PTPRD: variants seen among roughly 807,000 people sequenced by gnomAD.
PTPRD encodes protein tyrosine phosphatase receptor type D.
A neutral mutation model predicts 214.5 loss-of-function variants in PTPRD; 34 were observed. The ratio of observed to expected loss-of-function variants is 0.16; its 90% CI spans 0.12 to 0.21. The LOEUF is 0.21. Among genes scored for constraint, PTPRD ranks in the 10% least tolerant of loss-of-function variants. PTPRD has a pLI of 1.00. For missense variants in PTPRD, 2,545 were observed against 2,398.7 expected, an observed-to-expected ratio of 1.06 and a Z score of -1.27; for synonymous variants, 1,128 against 845.7, an observed-to-expected ratio of 1.33 and a Z score of -5.79.
At chr9:8,601,201 G>T (rs1156850404) in intron 14 of PTPRD, among the ~76,000 whole-genome samples, 2 of 152,090 alleles carry the variant, frequency 1.3e-5, no homozygotes, top group African/African-American at 4.8e-5. Flanking sequence ...ATGTCATATG[G>T]CTTTATTGCC....
intron 9 of PTPRD, among the ~76,000 whole-genome samples, chr9:9,335,630 T>C (rs2044138855): frequency 6.6e-6 from 1 of 152,206 alleles, no homozygotes; most frequent in Middle Eastern, 3.4e-3. Flanking sequence ...TAATATGCTA[T>C]TTTGACCAAA....
At chr9:8,686,190 C>T (rs1461921346) in intron 12 of PTPRD, among the ~76,000 whole-genome samples, 2 of 152,216 alleles carry the variant, frequency 1.3e-5, no homozygotes, top group Non-Finnish European at 2.9e-5. Flanking sequence ...GTCTGCTTCA[C>T]TGCCACCTTT....
At chr9:9,535,425 T>G (rs551338980) in intron 8 of PTPRD, among the ~76,000 whole-genome samples, 4 of 152,196 alleles carry the variant, frequency 2.6e-5, no homozygotes, top group African/African-American at 9.6e-5. Context: ...CATCTTCAAT[T>G]TGAATGTTAG....
chr9:9,016,116 C>T lies in PTPRD; in HGVS notation c.-104+2581G>A, dbSNP rs184508841. On this transcript the variant is annotated intron_variant, in intron 11 of 45. Coordinates refer to ENST00000381196, the MANE Select transcript of PTPRD (RefSeq NM_002839.4). ...CACAGAGCTTGTCCAAGGCACAACT[C>T]TGAGACTGCCTTACTGCAGCCCCTT... Among the ~76,000 whole-genome samples the T allele has an allele frequency of 1.0e-3, 152 of 152,250 alleles. No individual in the cohort carries two copies. In the Middle Eastern group the frequency reaches 0.01, roughly 10 times the overall value.
chr9:8,884,981 G>C (rs544238704), intron 11 of PTPRD, among the ~76,000 whole-genome samples: 1 of 152,288 alleles, frequency 6.6e-6, no homozygotes, highest in South Asian at 2.1e-4. Context: ...CCATCAGTGA[G>C]GGGGAATACA....
chr9:10,267,432 G>C (rs753202482), intron 3 of PTPRD, among the ~76,000 whole-genome samples: 3 of 151,898 alleles, frequency 2.0e-5, no homozygotes, highest in African/African-American at 4.8e-5. Flanking sequence ...TTAGAGTCGT[G>C]GTTTATGAAT....
At chr9:9,460,651 T>G (rs934339470) in intron 8 of PTPRD, among the ~76,000 whole-genome samples, 1 of 151,936 alleles carries the variant, frequency 6.6e-6, no homozygotes, top group African/African-American at 2.4e-5. Flanking sequence ...ATAGAATAAC[T>G]ATTATTAAAA....
chr9:10,432,842 G>A (rs1208919022), intron 2 of PTPRD, among the ~76,000 whole-genome samples: 3 of 151,842 alleles, frequency 2.0e-5, no homozygotes, highest in South Asian at 2.1e-4. Flanking sequence ...CCTATTTCCC[G>A]AGGATGACAG....
intron 3 of PTPRD, among the ~76,000 whole-genome samples, chr9:10,234,193 T>G (rs1326039306): frequency 1.3e-5 from 2 of 151,224 alleles, no homozygotes; most frequent in South Asian, 4.2e-4. Flanking sequence ...GGCAGAGAGC[T>G]CCATCTCAAA....
chr9:9,284,736 G>C (rs1948824475), intron 9 of PTPRD, among the ~76,000 whole-genome samples: 1 of 151,728 alleles, frequency 6.6e-6, no homozygotes, highest in Non-Finnish European at 1.5e-5. Context: ...CAATGGAAAA[G>C]AACATAGATT....
chr9:9,905,590 A>G (rs1161367124), intron 5 of PTPRD, among the ~76,000 whole-genome samples: 1 of 151,760 alleles, frequency 6.6e-6, no homozygotes, highest in African/African-American at 2.4e-5. Flanking sequence ...CATAAAAATA[A>G]TATACTGGTC....
intron 12 of PTPRD, among the ~76,000 whole-genome samples, chr9:8,659,080 A>G (rs2096975982): frequency 6.6e-6 from 1 of 152,198 alleles, no homozygotes; most frequent in Non-Finnish European, 1.5e-5. Flanking sequence ...ACTGGAAAAA[A>G]AAAAAGTGAC....
chr9:9,147,221 T>C (rs2099870087), intron 10 of PTPRD, among the ~76,000 whole-genome samples: 1 of 150,794 alleles, frequency 6.6e-6, no homozygotes, highest in Non-Finnish European at 1.5e-5. Flanking sequence ...TGAATAATGA[T>C]AAATAATCCA....
chr9:9,674,004 T>C (rs2154391098), intron 7 of PTPRD, among the ~76,000 whole-genome samples: 1 of 151,804 alleles, frequency 6.6e-6, no homozygotes, highest in Non-Finnish European at 1.5e-5. Flanking sequence ...GAAAGTTTAG[T>C]CTCCCAGATC....
At chr9:9,513,308 T>C (rs1046332073) in intron 8 of PTPRD, among the ~76,000 whole-genome samples, 2 of 152,010 alleles carry the variant, frequency 1.3e-5, no homozygotes, top group African/African-American at 4.8e-5. Context: ...TCACAGTTCA[T>C]GCTAATATCT....
At chr9:10,594,908 G>C (rs183056307) in intron 2 of PTPRD, among the ~76,000 whole-genome samples, 81 of 152,140 alleles carry the variant, frequency 5.3e-4, no homozygotes, top group African/African-American at 1.8e-3. Flanking sequence ...GCACTTTAAA[G>C]AGATAGAAGT....
intron 5 of PTPRD, among the ~76,000 whole-genome samples, chr9:9,815,521 A>C (rs2048477971): frequency 6.6e-6 from 1 of 152,206 alleles, no homozygotes; most frequent in Non-Finnish European, 1.5e-5. Context: ...AGTGGTCTAT[A>C]TCAAAGTAAA....
At chr9:9,599,131 A>G (rs1315701485) in intron 7 of PTPRD, among the ~76,000 whole-genome samples, 1 of 152,128 alleles carries the variant, frequency 6.6e-6, no homozygotes, top group Non-Finnish European at 1.5e-5. Flanking sequence ...GTAAATGAAT[A>G]TAATTATTAC....
chr9:9,942,656 A>G (rs1032691525), intron 4 of PTPRD, among the ~76,000 whole-genome samples: 3 of 152,208 alleles, frequency 2.0e-5, no homozygotes, highest in Middle Eastern at 3.4e-3. Context: ...AATTTTGCAA[A>G]TCTTACAGGT....
Sources: allele counts gnomAD v4.1 joint callset (sites outside exome capture counted in the v4.1 genomes callset), GRCh38; gene constraint gnomAD v4.1.1; transcripts MANE v1.5; gene names NCBI Gene and HGNC (gene_info 2026-07-23, HGNC 2026-07-21).